SDHA: variants seen among roughly 807,000 people sequenced by gnomAD.
SDHA encodes the protein succinate dehydrogenase complex flavoprotein subunit A.
A neutral mutation model predicts 78.4 loss-of-function variants in SDHA; 48 were observed. That is an observed-to-expected ratio of 0.61 (90% CI 0.49 to 0.78). The LOEUF (loss-of-function observed/expected upper bound fraction) is 0.78. SDHA is among the 30% of genes least tolerant of loss of function. The probability of loss-of-function intolerance (pLI) is 0.00; values close to 1 mark genes in which losing one functional copy is unlikely to be tolerated. For missense variants in SDHA, 680 were observed against 892.7 expected (o/e 0.76, Z 3.04); for synonymous variants, 326 against 353.9 (o/e 0.92, Z 0.88).
intron 13 of SDHA, among the ~76,000 whole-genome samples, chr5:252,420 C>A (rs1236461064): frequency 1.4e-5 from 2 of 147,194 alleles, no homozygotes; most frequent in Non-Finnish European, 3.0e-5. Context: ...GAGTAAGCCA[C>A]CGTTTCAAGC....
chr5:258,183 A>G (rs1737327124), downstream of SDHA, among the ~76,000 whole-genome samples: 1 of 117,294 alleles, frequency 8.5e-6, no homozygotes. Flanking sequence ...CTGCCAGAGC[A>G]TTACTGGGTG....
chr5:247,842 A>G (rs1414266349), intron 11 of SDHA, among the ~76,000 whole-genome samples: 2 of 152,246 alleles, frequency 1.3e-5, no homozygotes, highest in Non-Finnish European at 2.9e-5. Flanking sequence ...ATTTTTCTCT[A>G]TACGGAATAT....
intron 13 of SDHA, among the ~76,000 whole-genome samples, chr5:253,400 TC>T (rs1412414292): frequency 6.6e-6 from 1 of 152,196 alleles, no homozygotes; most frequent in Non-Finnish European, 1.5e-5. Flanking sequence ...AGTATATGAA[TC>T]CGTGTTTGCC....
chr5:231,965 A>G (rs1205559274), intron 7 of SDHA, among the ~76,000 whole-genome samples: 1 of 152,178 alleles, frequency 6.6e-6, no homozygotes, highest in Non-Finnish European at 1.5e-5. Flanking sequence ...ACATTAACTC[A>G]GAAATGACAG....
rs191643386 is a variant in SDHA at position 225,270 on chromosome 5, C to G, written c.313-149C>G. ...TTGTGATCTGGAATCTGTCGGGTCT[C>G]GCTGCTCCTCTGCTGAGGTCAGCCC... On this transcript the variant is annotated intron_variant, in intron 3 of 14. Transcript: ENST00000264932. 5.6e-4 allele frequency: 539 copies of G among 956,274 alleles called. 2 individuals carry two copies. Among genetic ancestry groups the G allele is most frequent in the East Asian group, 4.8e-3 (200 of 41,660 alleles). The allele number at this position is 956,274 out of a possible 1,614,324, so 59.2% of individuals were successfully genotyped here. A position where few individuals can be genotyped will look rare whatever the true frequency, so the allele number is the denominator to read the frequency against.
the SDHA span, among the ~76,000 whole-genome samples, chr5:265,802 A>G: frequency 6.7e-6 from 1 of 148,564 alleles, no homozygotes; most frequent in African/African-American, 2.6e-5. Flanking sequence ...CCTGGGCAAC[A>G]AGAGCGAGAT....
chr5:218,831 G>A (rs1463941107), intron 1 of SDHA, among the ~76,000 whole-genome samples: 3 of 152,086 alleles, frequency 2.0e-5, no homozygotes, highest in African/African-American at 4.8e-5. Context: ...GGCTGGGCTG[G>A]GCCTCTGCCG....
chr5:242,020 C>T (rs10057299), intron 11 of SDHA, among the ~76,000 whole-genome samples: 36,662 of 152,122 alleles, frequency 0.24, 6,861 homozygotes, highest in African/African-American at 0.53. Context: ...AGCATTCCCA[C>T]CAAACATGGT....
At chr5:252,466 C>G (rs1366800581) in intron 13 of SDHA, among the ~76,000 whole-genome samples, 2 of 119,042 alleles carry the variant, frequency 1.7e-5, no homozygotes, top group African/African-American at 3.6e-5. Context: ...TATTAAATAA[C>G]GAGTAAGCCA....
chr5:236,685 C>T, intron 10 of SDHA, 86 bp downstream of exon 10: 1 of 1,407,184 alleles, frequency 7.1e-7, no homozygotes, highest in South Asian at 1.2e-5. Flanking sequence ...AAAGGGTCAG[C>T]CCAGGCTGGA....
In SDHA at chr5:236,511, T is replaced by C. The variant is rs551497992; in HGVS notation, c.1344T>C (p.Gly448=). The change falls in exon 10 of 15, where the codon GGT becomes GGC. Residue 448 remains glycine (G), a synonymous_variant. Coordinates refer to ENST00000264932, the MANE Select transcript of SDHA (RefSeq NM_004168.4). ...CGEAACASVH[G]ANRLGANSLL... Reference sequence around the variant, plus strand: ...AGGCCGCCTGTGCCTCGGTACATGGTGCCAACCGCCTCGGGGCAAACTCGC... The same window carrying C: ...AGGCCGCCTGTGCCTCGGTACATGGCGCCAACCGCCTCGGGGCAAACTCGC... The C allele has an allele frequency of 3.3e-5, 53 of 1,614,046 alleles. No individual in the cohort carries two copies. The South Asian group carries it at 5.2e-4, about 16-fold the overall frequency.
Position 224,428 on chromosome 5 carries a change from C to T in SDHA, c.219C>T (p.Gly73=), listed in dbSNP as rs776288745. Residue 73 remains glycine, a synonymous_variant, in exon 3 of 15, where the codon GGC becomes GGT. Coordinates refer to ENST00000264932, the MANE Select transcript of SDHA (RefSeq NM_004168.4). ...DAVVVGAGGA[G]LRAAFGLSEA... is the part of the protein sequence containing the mutation. ...TGGTGGTAGGCGCTGGAGGGGCAGG[C>T]TTGCGAGCTGCATTTGGCCTTTCTG... The T allele has an allele frequency of 6.2e-7, 1 of 1,613,654 alleles. No individual in the cohort carries two copies. Among genetic ancestry groups the T allele is most frequent in the Non-Finnish European group, 8.5e-7 (1 of 1,179,790 alleles).
At chr5:238,383 G>A (rs576477106) in intron 10 of SDHA, among the ~76,000 whole-genome samples, 1 of 151,220 alleles carries the variant, frequency 6.6e-6, no homozygotes, top group South Asian at 2.1e-4. Context: ...AATGCTTGTA[G>A]CATCACTATT....
chr5:235,277 A>G lies in SDHA; in HGVS notation c.1198A>G (p.Ile400Val). ...FAGVDVTKEP[I>V]PVLPTVHYNM... is the part of the protein sequence containing the mutation. ...TGGCGTGGACGTCACGAAGGAGCCG[A>G]TCCCTGTCCTCCCCACCGTGCATTA... The change falls in exon 9 of 15, where the codon ATC becomes GTC. Residue 400 changes from isoleucine to valine, a missense_variant. Transcript: ENST00000264932. 1 of 1,614,086 alleles carries G rather than the reference A, an allele frequency of 6.2e-7. No individual in the cohort carries two copies. The highest frequency in any genetic ancestry group is 8.5e-7 in the Non-Finnish European group (1 of 1,179,978).
At chr5:231,951 G>A (rs1239258250) in intron 7 of SDHA, among the ~76,000 whole-genome samples, 3 of 152,096 alleles carry the variant, frequency 2.0e-5, no homozygotes, top group Admixed American at 6.5e-5. Context: ...TGTGCAATTC[G>A]GAGACATTAA....
At chr5:221,943 A>G (rs898571282) in intron 1 of SDHA, among the ~76,000 whole-genome samples, 5 of 152,212 alleles carry the variant, frequency 3.3e-5, no homozygotes, top group African/African-American at 9.7e-5. Context: ...CATCCTAGAA[A>G]GAACGAATAA....
intron 7 of SDHA, among the ~76,000 whole-genome samples, chr5:231,466 G>C (rs1735390841): frequency 6.6e-6 from 1 of 151,744 alleles, no homozygotes; most frequent in Non-Finnish European, 1.5e-5. Flanking sequence ...AGGCTGAGGT[G>C]GGAGGAATGC....
At chr5:238,597 TG>T (rs1273674321) in intron 10 of SDHA, among the ~76,000 whole-genome samples, 1 of 152,198 alleles carries the variant, frequency 6.6e-6, no homozygotes, top group Non-Finnish European at 1.5e-5. Flanking sequence ...CTTGAACTCC[TG>T]GCCTCAAGTG....
At chr5:241,233 G>T (rs763518502) in intron 11 of SDHA, among the ~76,000 whole-genome samples, 1 of 152,164 alleles carries the variant, frequency 6.6e-6, no homozygotes, top group Non-Finnish European at 1.5e-5. Context: ...GAGTCACAGC[G>T]TGGAGGAGAG....
Sources: allele counts gnomAD v4.1 joint callset (sites outside exome capture counted in the v4.1 genomes callset), GRCh38; gene constraint gnomAD v4.1.1; transcripts MANE v1.5; gene names NCBI Gene and HGNC (gene_info 2026-07-23, HGNC 2026-07-21).